DAG1: variants seen among roughly 807,000 people sequenced by gnomAD.
DAG1 encodes dystroglycan 1.
In DAG1, 8 loss-of-function variants were observed where a neutral mutation model predicts 46.1. The ratio of observed to expected loss-of-function variants is 0.17; its 90% CI spans 0.10 to 0.31. The LOEUF is 0.31. DAG1 is among the 10% of genes least tolerant of loss of function. The pLI, the probability that DAG1 is intolerant of heterozygous loss-of-function variation, is 1.00. For missense variants in DAG1, 1,003 were observed against 1,189.9 expected, an observed-to-expected ratio of 0.84 and a Z score of 2.31; for synonymous variants, 495 against 481.8, an observed-to-expected ratio of 1.03 and a Z score of -0.36.
chr3:49,475,664 CA>C (rs1181431886), intron 1 of DAG1, among the ~76,000 whole-genome samples: 2 of 151,150 alleles, frequency 1.3e-5, no homozygotes, highest in Non-Finnish European at 2.9e-5. Flanking sequence ...CTCTGTTTTC[CA>C]ATTTCTTAGG....
At chr3:49,479,893 G>GC (rs1278566803) in intron 1 of DAG1, among the ~76,000 whole-genome samples, 1 of 143,702 alleles carries the variant, frequency 7.0e-6, no homozygotes, top group Non-Finnish European at 1.5e-5. Context: ...ACCTGCCTCG[G>GC]CCCCCCAGAG....
chr3:49,509,764 T>G (rs931111684), intron 1 of DAG1, among the ~76,000 whole-genome samples: 2 of 152,128 alleles, frequency 1.3e-5, no homozygotes, highest in African/African-American at 4.8e-5. Flanking sequence ...AGTCTCACTC[T>G]GTCACCCAGG....
chr3:49,474,306 G>A (rs1225137846), intron 1 of DAG1, among the ~76,000 whole-genome samples: 2 of 150,444 alleles, frequency 1.3e-5, no homozygotes, highest in Non-Finnish European at 3.0e-5. Context: ...TGCCCGCCTC[G>A]GCCTCCCAAA....
intron 2 of DAG1, among the ~76,000 whole-genome samples, chr3:49,528,275 A>ATTT (rs147292984): frequency 0.027 from 1,826 of 66,566 alleles, 385 homozygotes; most frequent in Non-Finnish European, 0.036. Context: ...AAATAGTGTG[A>ATTT]TTTTTTTTTT....
In DAG1 at chr3:49,533,443, A is replaced by C. The variant is rs745438569; in HGVS notation, c.*244A>C. 3 of 695,290 alleles carry C rather than the reference A, an allele frequency of 4.3e-6. No homozygotes were observed. The highest frequency in any genetic ancestry group is 7.8e-6 in the Non-Finnish European group (3 of 384,350). The allele number at this position is 695,290 out of a possible 1,614,324, so 43.1% of individuals were successfully genotyped here. A position where few individuals can be genotyped will look rare whatever the true frequency, so the allele number is the denominator to read the frequency against. On this transcript the variant is annotated 3_prime_UTR_variant, in exon 3 of 3. Coordinates refer to ENST00000308775, the MANE Select transcript of DAG1 (RefSeq NM_004393.6). ...GCCTAACAGCTTTTGGTTTGTTCATAGAGAATTCTTCGCTTCATTTTTGAT... is the reference window on the plus strand; with the variant it reads ...GCCTAACAGCTTTTGGTTTGTTCATCGAGAATTCTTCGCTTCATTTTTGAT...
intron 1 of DAG1, among the ~76,000 whole-genome samples, chr3:49,479,471 A>G (rs2049798698): frequency 6.7e-6 from 1 of 150,074 alleles, no homozygotes; most frequent in Non-Finnish European, 1.5e-5. Context: ...CACCACACCC[A>G]GCTAATTTTT....
intron 2 of DAG1, among the ~76,000 whole-genome samples, 162 bp from the exon 3 acceptor site, chr3:49,530,635 A>G (rs2051312874): frequency 6.6e-6 from 1 of 152,168 alleles, no homozygotes; most frequent in Non-Finnish European, 1.5e-5. Context: ...TGACAGGTAA[A>G]TAAACTCAGT....
chr3:49,494,584 C>T (rs1416938775), intron 1 of DAG1, among the ~76,000 whole-genome samples: 1 of 152,030 alleles, frequency 6.6e-6, no homozygotes, highest in Non-Finnish European at 1.5e-5. Context: ...CATTGAACTT[C>T]AAAGTGTGAA....
chr3:49,530,732 T>G, intron 2 of DAG1, 65 bp from the exon 3 acceptor site: 2 of 1,610,096 alleles, frequency 1.2e-6, no homozygotes, highest in Admixed American at 1.7e-5. Flanking sequence ...AGGTTAACTG[T>G]TGTGATCATA....
chr3:49,469,685 C>T (rs1198414221), upstream of DAG1, among the ~76,000 whole-genome samples: 1 of 152,176 alleles, frequency 6.6e-6, no homozygotes, highest in Non-Finnish European at 1.5e-5. Flanking sequence ...TCCTCCTGTC[C>T]CTGGCCTCAG....
intron 1 of DAG1, among the ~76,000 whole-genome samples, chr3:49,494,720 C>G (rs1327899503): frequency 1.3e-5 from 2 of 151,744 alleles, no homozygotes; most frequent in African/African-American, 4.8e-5. Flanking sequence ...CTGCAACCTC[C>G]GCCTCACAGG....
At chr3:49,521,164 T>TTTG (rs766492687) in intron 2 of DAG1, among the ~76,000 whole-genome samples, 2 of 152,050 alleles carry the variant, frequency 1.3e-5, no homozygotes, top group Admixed American at 1.3e-4. Flanking sequence ...TTTGTTTGTT[T>TTTG]TTGTTGTTGT....
At chr3:49,528,275 A>ATTTT (rs147292984) in intron 2 of DAG1, among the ~76,000 whole-genome samples, 1,324 of 66,592 alleles carry the variant, frequency 0.02, 269 homozygotes, top group African/African-American at 0.037. Context: ...AAATAGTGTG[A>ATTTT]TTTTTTTTTT....
At chr3:49,494,644 T>A (rs955510625) in intron 1 of DAG1, among the ~76,000 whole-genome samples, 4 of 151,950 alleles carry the variant, frequency 2.6e-5, no homozygotes, top group Admixed American at 6.6e-5. Context: ...TATTATTTTT[T>A]TTTTTTTGGA....
chr3:49,475,701 C>T (rs894066220), intron 1 of DAG1, among the ~76,000 whole-genome samples: 7 of 136,246 alleles, frequency 5.1e-5, no homozygotes, highest in African/African-American at 8.1e-5. Context: ...TTTTCTTTTT[C>T]TTTTTTTTTT....
At chr3:49,475,462 A>G (rs559959698) in intron 1 of DAG1, among the ~76,000 whole-genome samples, 42 of 117,166 alleles carry the variant, frequency 3.6e-4, no homozygotes, top group African/African-American at 1.3e-3. Context: ...GCTGGAGTGC[A>G]TGGCGCGATC....
intron 2 of DAG1, among the ~76,000 whole-genome samples, chr3:49,526,146 C>T (rs1022695207): frequency 1.4e-4 from 22 of 152,204 alleles, no homozygotes; most frequent in African/African-American, 4.8e-4. Flanking sequence ...CCTCTGCTCC[C>T]GGCCTACACA....
chr3:49,477,209 C>T (rs962843291), intron 1 of DAG1, among the ~76,000 whole-genome samples: 3 of 152,180 alleles, frequency 2.0e-5, no homozygotes, highest in African/African-American at 4.8e-5. Flanking sequence ...GTTGGTCGGG[C>T]TGGTCTCGAA....
At chr3:49,515,856 C>G (rs2107707377) in intron 2 of DAG1, among the ~76,000 whole-genome samples, 1 of 152,248 alleles carries the variant, frequency 6.6e-6, no homozygotes, top group South Asian at 2.1e-4. Context: ...TCAATTTGTT[C>G]TCCATATTGA....
Sources: allele counts gnomAD v4.1 joint callset (sites outside exome capture counted in the v4.1 genomes callset), GRCh38; gene constraint gnomAD v4.1.1; transcripts MANE v1.5; gene names NCBI Gene and HGNC (gene_info 2026-07-23, HGNC 2026-07-21).